Variants in DDI2 observed in about 807,000 individuals in gnomAD.
The protein encoded by DDI2 is DDI proteasomal shuttling factor 2.
In DDI2, 5 loss-of-function variants were observed where a neutral mutation model predicts 48.1. The ratio of observed to expected loss-of-function variants is 0.10; its 90% confidence interval spans 0.05 to 0.22. The LOEUF (loss-of-function observed/expected upper bound fraction) is 0.22, where lower values mean the gene tolerates loss of function less well. Ranked by LOEUF, DDI2 falls within the 10% of genes least tolerant of loss-of-function variation. DDI2 has a pLI of 1.00. For missense variants in DDI2, 285 were observed against 506.2 expected (o/e 0.56, Z 4.19); for synonymous variants, 205 against 183.6 (o/e 1.12, Z -0.94).
chr1:15,652,696 G>A (rs1045993456), intron 8 of DDI2, among the ~76,000 whole-genome samples: 15 of 152,064 alleles, frequency 9.9e-5, no homozygotes, highest in African/African-American at 2.7e-4. Context: ...AGTGGTAGGC[G>A]CCTGTATTCC....
intron 1 of DDI2, among the ~76,000 whole-genome samples, chr1:15,625,890 T>TATA (rs1399259452): frequency 1.3e-5 from 2 of 152,220 alleles, no homozygotes; most frequent in Admixed American, 6.5e-5. Flanking sequence ...GTGCTGGAAT[T>TATA]ACAGGCGTGA....
chr1:15,630,298 GTAA>G lies in DDI2; in HGVS notation c.269-26_269-24del, dbSNP rs778915334. ...TGCTTGTTTTTGTAGAGTAATTTGA[GTAA>G]ACTGAATTGATTTTCCCCAACAGAC... On this transcript the variant is annotated intron_variant, in intron 2 of 9. Transcript: ENST00000480945. 1.0e-4 allele frequency: 166 copies of G among 1,609,114 alleles called. 1 individual carries two copies. In the African/African-American group the frequency reaches 2.0e-3, roughly 20 times the overall value.
intron 1 of DDI2, among the ~76,000 whole-genome samples, chr1:15,619,306 A>T (rs1018825323): frequency 1.3e-5 from 2 of 150,096 alleles, no homozygotes; most frequent in African/African-American, 4.9e-5. Context: ...ATTTTTTTTT[A>T]GTAGAGACGG....
At chr1:15,621,130 T>C (rs1169764762) in intron 1 of DDI2, among the ~76,000 whole-genome samples, 1 of 152,224 alleles carries the variant, frequency 6.6e-6, no homozygotes, top group East Asian at 1.9e-4. Context: ...AAGTGTGGGC[T>C]TGGAAGCCAG....
chr1:15,641,581 C>T (rs1640008496), intron 5 of DDI2, among the ~76,000 whole-genome samples: 1 of 152,082 alleles, frequency 6.6e-6, no homozygotes, highest in Non-Finnish European at 1.5e-5. Flanking sequence ...TACGCATCCA[C>T]GGAGTGGTTT....
At chr1:15,655,031 A>G (rs1391911026) in intron 8 of DDI2, among the ~76,000 whole-genome samples, 3 of 152,026 alleles carry the variant, frequency 2.0e-5, no homozygotes, top group East Asian at 1.9e-4. Flanking sequence ...CCTACTAATA[A>G]CAGTTATCCT....
In DDI2 at chr1:15,659,947, A is replaced by G. The variant is rs138770575; in HGVS notation, c.*157A>G. On this transcript the variant is annotated 3_prime_UTR_variant, in exon 10 of 10. Transcript: ENST00000480945. Reference sequence around the variant, plus strand: ...ACAGAGTCCTGATGTTGGTAATCCTATGAGTCTTGCTCGCTCTGTCTCTGC... The same window carrying G: ...ACAGAGTCCTGATGTTGGTAATCCTGTGAGTCTTGCTCGCTCTGTCTCTGC... 839 of 1,613,960 alleles carry G rather than the reference A, an allele frequency of 5.2e-4. 5 individuals carry two copies. The African/African-American group carries it at 9.7e-3, about 19-fold the overall frequency.
chr1:15,643,708 G>A, intron 6 of DDI2, 58 bp downstream of exon 6: 1 of 1,574,232 alleles, frequency 6.4e-7, no homozygotes, highest in Non-Finnish European at 8.6e-7. Flanking sequence ...AGGTAGGGTA[G>A]TCGATTTTCA....
In DDI2 at chr1:15,660,639, C is replaced by T. The variant is rs759869615; in HGVS notation, c.*849C>T. On this transcript the variant is annotated 3_prime_UTR_variant, in exon 10 of 10. Transcript: ENST00000480945. ...TGGAAATCGATACAGCTCAACAGTCCCTAGTTACTTTGCTTAATTCAACAG... is the reference window on the plus strand; with the variant it reads ...TGGAAATCGATACAGCTCAACAGTCTCTAGTTACTTTGCTTAATTCAACAG... 5 of 1,613,978 alleles carry T rather than the reference C, an allele frequency of 3.1e-6. No homozygotes were observed. In the East Asian group the frequency reaches 1.1e-4, roughly 36 times the overall value.
chr1:15,644,596 T>TG (rs1270464849), intron 6 of DDI2, among the ~76,000 whole-genome samples: 6 of 130,744 alleles, frequency 4.6e-5, no homozygotes, highest in Non-Finnish European at 8.2e-5. Flanking sequence ...TGTTTTTTTT[T>TG]TTTTTTTTTT....
chr1:15,659,957 C>G lies in DDI2; in HGVS notation c.*167C>G, dbSNP rs752127493. ...GATGTTGGTAATCCTATGAGTCTTG[C>G]TCGCTCTGTCTCTGCTTCAGTCTGC... On this transcript the variant is annotated 3_prime_UTR_variant, in exon 10 of 10. Coordinates refer to ENST00000480945, the MANE Select transcript of DDI2 (RefSeq NM_032341.5). The G allele has an allele frequency of 6.2e-7, 1 of 1,614,200 alleles. No individual in the cohort carries two copies. Among genetic ancestry groups the G allele is most frequent in the South Asian group, 1.1e-5 (1 of 91,084 alleles).
Position 15,663,210 on chromosome 1 carries a change from T to G in DDI2, c.*3420T>G, listed in dbSNP as rs1373113233. ...TCGAAAGAGTGATTTCTCAACTTAG[T>G]GTTAAATGATTTTGTCTGAAGTCTG... On this transcript the variant is annotated 3_prime_UTR_variant, in exon 10 of 10. Coordinates refer to ENST00000480945, the MANE Select transcript of DDI2 (RefSeq NM_032341.5). 1 of 152,340 alleles carries G rather than the reference T, an allele frequency of 6.6e-6. No homozygotes were observed. 9.4% of individuals were successfully genotyped at this position (152,340 alleles called of 1,614,324 possible).
intron 9 of DDI2, among the ~76,000 whole-genome samples, chr1:15,658,274 C>T (rs977127457): frequency 2.0e-5 from 3 of 151,950 alleles, no homozygotes; most frequent in African/African-American, 7.2e-5. Flanking sequence ...CTCAGCCTAC[C>T]TAGTAGCTGG....
rs756704388 is a variant in DDI2 at position 15,659,965 on chromosome 1, G to A, written c.*175G>A. On this transcript the variant is annotated 3_prime_UTR_variant, in exon 10 of 10. Transcript: ENST00000480945. ...TAATCCTATGAGTCTTGCTCGCTCT[G>A]TCTCTGCTTCAGTCTGCCCTATCAA... 6.2e-7 allele frequency: 1 copy of A among 1,614,078 alleles called. No individual in the cohort carries two copies. The highest frequency in any genetic ancestry group is 1.1e-5 in the South Asian group (1 of 91,090).
chr1:15,662,004 G>A lies in DDI2; in HGVS notation c.*2214G>A. 3.6e-6 allele frequency: 1 copy of A among 281,472 alleles called. No individual in the cohort carries two copies. The highest frequency in any genetic ancestry group is 8.0e-5 in the South Asian group (1 of 12,538). The allele number at this position is 281,472 out of a possible 1,614,324, so 17.4% of individuals were successfully genotyped here. ...TTTTATTCTCATTAAGATGTATCCT[G>A]GAATAAAATGGATGGTTTTGTGTGT... On this transcript the variant is annotated 3_prime_UTR_variant, in exon 10 of 10. Coordinates refer to ENST00000480945, the MANE Select transcript of DDI2 (RefSeq NM_032341.5).
At chr1:15,626,834 A>T in intron 2 of DDI2, 36 bp downstream of exon 2, 1 of 1,613,856 alleles carries the variant, frequency 6.2e-7, no homozygotes, top group Non-Finnish European at 8.5e-7. Flanking sequence ...CCCCAGCAGA[A>T]CCATCAGCAG....
At chr1:15,632,930 TTAAA>T (rs1449536616) in intron 3 of DDI2, among the ~76,000 whole-genome samples, 9 of 120,588 alleles carry the variant, frequency 7.5e-5, no homozygotes, top group Admixed American at 7.6e-5. Flanking sequence ...TTTTTTTTTT[TTAAA>T]AAAAAAAAAA....
chr1:15,642,808 C>T (rs943864867), intron 5 of DDI2, among the ~76,000 whole-genome samples: 1 of 152,218 alleles, frequency 6.6e-6, no homozygotes, highest in African/African-American at 2.4e-5. Flanking sequence ...TGGCTCACGC[C>T]TGTAATCCCA....
At chr1:15,621,727 T>C (rs565148889) in intron 1 of DDI2, among the ~76,000 whole-genome samples, 29 of 152,246 alleles carry the variant, frequency 1.9e-4, no homozygotes, top group African/African-American at 7.0e-4. Flanking sequence ...TACCATCATA[T>C]AGATGTGTTG....
Sources: gnomAD v4.1 joint callset for allele counts (sites outside exome capture counted in the v4.1 genomes callset) on GRCh38, gnomAD v4.1.1 for gene constraint, MANE v1.5 for transcripts, NCBI Gene and HGNC (gene_info 2026-07-23, HGNC 2026-07-21) for gene names.